The following MGMT variants were observed in gnomAD, a reference collection of about 807,000 sequenced individuals.
MGMT encodes O-6-methylguanine-DNA methyltransferase, also known as methylated-DNA--protein-cysteine methyltransferase.
MGMT carries 14 observed loss-of-function variants against 15.9 expected under a neutral mutation model. That is an observed-to-expected ratio of 0.88 (90% CI 0.58 to 1.37). MGMT has a LOEUF of 1.37. Among genes scored for constraint, MGMT ranks in the 40% most tolerant of loss-of-function variants. MGMT has a pLI of 0.00. For synonymous variants in MGMT, 130 were observed against 118.2 expected, an observed-to-expected ratio of 1.10 and a Z score of -0.65; for missense variants, 282 against 268.1, an observed-to-expected ratio of 1.05 and a Z score of -0.36.
At chr10:129,756,402 C>T (rs1292922522) in intron 3 of MGMT, among the ~76,000 whole-genome samples, 2 of 152,190 alleles carry the variant, frequency 1.3e-5, no homozygotes, top group Non-Finnish European at 2.9e-5. Context: ...CACAGAGCCC[C>T]AAGGTCTCGG....
At chr10:129,578,344 T>C (rs1204385916) in intron 2 of MGMT, among the ~76,000 whole-genome samples, 1 of 152,206 alleles carries the variant, frequency 6.6e-6, no homozygotes, top group Non-Finnish European at 1.5e-5. Context: ...CATGGAATAC[T>C]ATGCAGCCAT....
At chr10:129,729,902 C>T (rs1848476556) in intron 3 of MGMT, among the ~76,000 whole-genome samples, 2 of 152,206 alleles carry the variant, frequency 1.3e-5, no homozygotes, top group Admixed American at 6.5e-5. Flanking sequence ...GACCCACCCA[C>T]CCCCTTAGAT....
chr10:129,545,266 C>A lies in MGMT; in HGVS notation c.125+8889C>A, dbSNP rs192161624. Among the ~76,000 whole-genome samples the A allele has an allele frequency of 9.2e-5, 14 of 152,254 alleles. No homozygotes were observed. In the East Asian group the frequency reaches 2.7e-3, roughly 29 times the overall value. On this transcript the variant is annotated intron_variant, in intron 2 of 4. Coordinates refer to ENST00000651593, the MANE Select transcript of MGMT (RefSeq NM_002412.5). ...CCTGTGAAATCCTCTGTGACTCTTG[C>A]CTGCAGTTGAGGGAGCCTCTGAGAC...
intron 2 of MGMT, among the ~76,000 whole-genome samples, chr10:129,643,559 C>T (rs899996990): frequency 5.3e-5 from 8 of 152,098 alleles, no homozygotes; most frequent in Admixed American, 2.0e-4. Context: ...CTCTTTCCAG[C>T]GGGGCGGGAC....
intron 3 of MGMT, among the ~76,000 whole-genome samples, chr10:129,715,310 G>A (rs892377372): frequency 8.5e-5 from 13 of 152,196 alleles, no homozygotes; most frequent in Admixed American, 3.3e-4. Context: ...AGGATTTTCC[G>A]CAGTGTCCTG....
chr10:129,661,315 G>T (rs1847594948), intron 2 of MGMT, among the ~76,000 whole-genome samples: 1 of 151,980 alleles, frequency 6.6e-6, no homozygotes, highest in Non-Finnish European at 1.5e-5. Flanking sequence ...GAGAGGAATT[G>T]TTTGGCCGAA....
intron 1 of MGMT, among the ~76,000 whole-genome samples, chr10:129,496,907 C>T (rs925137312): frequency 1.3e-5 from 2 of 151,942 alleles, no homozygotes; most frequent in Non-Finnish European, 2.9e-5. Flanking sequence ...TGCACAGGCT[C>T]GCCTTGAACT....
intron 2 of MGMT, among the ~76,000 whole-genome samples, chr10:129,555,977 G>A (rs555919172): frequency 2.6e-5 from 4 of 152,130 alleles, no homozygotes; most frequent in Admixed American, 6.5e-5. Flanking sequence ...TCCTCAAAAC[G>A]GGGCACCCTC....
chr10:129,676,768 G>GATAC (rs201228938), intron 2 of MGMT, among the ~76,000 whole-genome samples: 2 of 149,828 alleles, frequency 1.3e-5, no homozygotes, highest in African/African-American at 4.8e-5. Context: ...TATGCAAGCA[G>GATAC]ATACATACAT....
intron 2 of MGMT, among the ~76,000 whole-genome samples, chr10:129,551,979 G>A (rs986079993): frequency 2.6e-5 from 4 of 152,204 alleles, no homozygotes; most frequent in African/African-American, 7.2e-5. Context: ...CCGGAAGTGG[G>A]GCTCAGGCTC....
intron 4 of MGMT, among the ~76,000 whole-genome samples, chr10:129,764,696 G>A (rs916103127): frequency 6.6e-6 from 1 of 152,252 alleles, no homozygotes; most frequent in Non-Finnish European, 1.5e-5. Flanking sequence ...AAAAAGAAGA[G>A]TGGAGTCGGA....
rs149724270 is a variant in MGMT at position 129,698,601 on chromosome 10, G to A, written c.126-9294G>A. 3.2e-3 allele frequency among the ~76,000 whole-genome samples: 482 copies of A among 152,260 alleles called. 3 individuals are homozygous for A. The highest frequency in any genetic ancestry group is 0.011 in the African/African-American group (443 of 41,536). The stretch of plus-strand genomic sequence containing the variant: ...TTAGAAAGCAGCTCTGTTCACTGCC[G>A]TGGTGGTGGAAGGCATGTGCAACAC... On this transcript the variant is annotated intron_variant, in intron 2 of 4. Transcript: ENST00000651593.
At chr10:129,675,430 G>A (rs1337667293) in intron 2 of MGMT, among the ~76,000 whole-genome samples, 1 of 152,182 alleles carries the variant, frequency 6.6e-6, no homozygotes, top group Non-Finnish European at 1.5e-5. Flanking sequence ...ACAGATTGCC[G>A]GAAGAGTTAG....
intron 1 of MGMT, among the ~76,000 whole-genome samples, chr10:129,517,825 G>A (rs189747609): frequency 1.3e-5 from 2 of 152,280 alleles, no homozygotes; most frequent in Non-Finnish European, 1.5e-5. Context: ...ATGTAACTGC[G>A]ACGCCGCAGC....
rs867759459 is a variant in MGMT at position 129,691,822 on chromosome 10, G to A, written c.126-16073G>A. Among the ~76,000 whole-genome samples, 7 of 152,114 alleles carry A rather than the reference G, an allele frequency of 4.6e-5. No homozygotes were observed. The East Asian group carries it at 5.8e-4, about 13-fold the overall frequency. On this transcript the variant is annotated intron_variant, in intron 2 of 4. Transcript: ENST00000651593. ...CTTCATCTGAGGATTTGGGGTGTCC[G>A]TGCCCTCTCCTGGTTGAAAGTGTTA... is the stretch of plus-strand genomic sequence containing the variant.
chr10:129,577,543 G>A (rs1340713912), intron 2 of MGMT, among the ~76,000 whole-genome samples: 6 of 152,122 alleles, frequency 3.9e-5, no homozygotes, highest in Non-Finnish European at 8.8e-5. Context: ...ATTCAAGATG[G>A]ATTAAAGACT....
chr10:129,677,398 T>A (rs774100795), intron 2 of MGMT, among the ~76,000 whole-genome samples: 63 of 152,274 alleles, frequency 4.1e-4, no homozygotes, highest in Non-Finnish European at 7.8e-4. Context: ...TTACCATAAA[T>A]CAGCAGGTCC....
chr10:129,652,809 G>A (rs1186752513), intron 2 of MGMT, among the ~76,000 whole-genome samples: 3 of 152,246 alleles, frequency 2.0e-5, no homozygotes, highest in East Asian at 1.9e-4. Context: ...ACGGGGTGAC[G>A]TGTGGGACCC....
chr10:129,715,455 CTG>C, intron 3 of MGMT: 1 of 152,282 alleles, frequency 6.6e-6, no homozygotes, highest in Non-Finnish European at 1.5e-5. Context: ...AATTTTCTCT[CTG>C]TTTTAAAGTA....
Sources: gnomAD v4.1 joint callset for allele counts (sites outside exome capture counted in the v4.1 genomes callset) on GRCh38, gnomAD v4.1.1 for gene constraint, MANE v1.5 for transcripts, NCBI Gene and HGNC (gene_info 2026-07-23, HGNC 2026-07-21) for gene names.